Variants in MOCOS observed in about 807,000 individuals in gnomAD.
The protein encoded by MOCOS is human molybdenum cofactor sulfurase.
Under a neutral mutation model 83.6 loss-of-function variants are expected in MOCOS, and 86 were observed. The ratio of observed to expected loss-of-function variants is 1.03; its 90% CI spans 0.86 to 1.23. The LOEUF is 1.23. MOCOS is among the 50% of genes most tolerant of loss of function. The pLI, the probability that MOCOS is intolerant of heterozygous loss-of-function variation, is 0.00. For missense variants in MOCOS, 1,120 were observed against 1,126.9 expected (o/e 0.99, Z 0.09); for synonymous variants, 445 against 434.7 (o/e 1.02, Z -0.29).
At chr18:36,230,679 T>C (rs989847616) in intron 9 of MOCOS, among the ~76,000 whole-genome samples, 7 of 152,014 alleles carry the variant, frequency 4.6e-5, no homozygotes, top group Non-Finnish European at 7.4e-5. Context: ...CTTGGAAAGG[T>C]TGGGGTGCTA....
chr18:36,254,430 T>G lies in MOCOS; in HGVS notation c.2165-2538T>G, dbSNP rs138852198. On this transcript the variant is annotated intron_variant, in intron 11 of 14. Transcript: ENST00000261326. ...TTAAACCACAACAATTTGAATCTCGTGAGTATTCATTACAAAATACATTAT... is the reference window on the plus strand; with the variant it reads ...TTAAACCACAACAATTTGAATCTCGGGAGTATTCATTACAAAATACATTAT... 5.3e-4 allele frequency among the ~76,000 whole-genome samples: 80 copies of G among 151,388 alleles called. No individual in the cohort carries two copies. The East Asian group carries it at 9.2e-3, about 17-fold the overall frequency.
At chr18:36,240,446 CG>C (rs1568063030) in intron 9 of MOCOS, among the ~76,000 whole-genome samples, 1 of 150,152 alleles carries the variant, frequency 6.7e-6, no homozygotes, top group African/African-American at 2.5e-5. Flanking sequence ...TTAGGCTGCT[CG>C]GGGGTCAGGG....
intron 9 of MOCOS, among the ~76,000 whole-genome samples, chr18:36,230,210 G>A (rs2091532845): frequency 6.6e-6 from 1 of 152,114 alleles, no homozygotes; most frequent in South Asian, 2.1e-4. Context: ...AGCCTCCCGA[G>A]TAGCTGGGTT....
chr18:36,248,313 G>A (rs746819846), intron 9 of MOCOS, among the ~76,000 whole-genome samples: 4 of 151,834 alleles, frequency 2.6e-5, no homozygotes, highest in Non-Finnish European at 4.4e-5. Context: ...TTTTTTCACT[G>A]TTGAGTTGTT....
intron 9 of MOCOS, among the ~76,000 whole-genome samples, chr18:36,231,250 T>C (rs2091536595): frequency 6.6e-6 from 1 of 152,224 alleles, no homozygotes; most frequent in Non-Finnish European, 1.5e-5. Context: ...CTGAGCTATA[T>C]ATTTGGTATC....
chr18:36,255,688 G>A lies in MOCOS; in HGVS notation c.2165-1280G>A, dbSNP rs190941765. Among the ~76,000 whole-genome samples the A allele has an allele frequency of 1.5e-3, 231 of 152,184 alleles. 2 individuals are homozygous for A. In the Middle Eastern group the frequency reaches 0.017, roughly 11 times the overall value. On this transcript the variant is annotated intron_variant, in intron 11 of 14. Transcript: ENST00000261326. ...AGTTCTCTCAAAAGTATCCGTTTGCGTCTACTCTGGGGTCCACACACCTGA... is the reference window on the plus strand; with the variant it reads ...AGTTCTCTCAAAAGTATCCGTTTGCATCTACTCTGGGGTCCACACACCTGA...
At chr18:36,202,622 G>A (rs914029093) in intron 4 of MOCOS, among the ~76,000 whole-genome samples, 2 of 152,196 alleles carry the variant, frequency 1.3e-5, no homozygotes, top group African/African-American at 4.8e-5. Context: ...AGACAGCAGA[G>A]GGAAGGTATT....
intron 10 of MOCOS, among the ~76,000 whole-genome samples, chr18:36,250,202 T>C (rs914922653): frequency 6.6e-6 from 1 of 152,094 alleles, no homozygotes; most frequent in African/African-American, 2.4e-5. Context: ...TTATGTATAA[T>C]AAAAAACCTT....
At chr18:36,246,545 C>T (rs939721299) in intron 9 of MOCOS, among the ~76,000 whole-genome samples, 1 of 152,230 alleles carries the variant, frequency 6.6e-6, no homozygotes, top group African/African-American at 2.4e-5. Context: ...GTAAAGTGGA[C>T]TCTGTTGGGA....
intron 12 of MOCOS, among the ~76,000 whole-genome samples, chr18:36,258,682 AATTG>A (rs141806987): frequency 0.013 from 1,964 of 152,302 alleles, 32 homozygotes; most frequent in African/African-American, 0.044. Context: ...AGCAATTAAA[AATTG>A]ATTGAAGCAC....
intron 13 of MOCOS, among the ~76,000 whole-genome samples, chr18:36,262,418 TGTCA>T (rs1416170639): frequency 2.0e-5 from 3 of 152,148 alleles, no homozygotes; most frequent in Non-Finnish European, 4.4e-5. Flanking sequence ...AGCAAGATCC[TGTCA>T]GTCAATCAGT....
At position 36,187,626 on chromosome 18, in the gene MOCOS, C is replaced by G; in HGVS notation, c.87C>G (p.Gly29=). The G allele has an allele frequency of 8.0e-7, 1 of 1,251,602 alleles. No homozygotes were observed. Among genetic ancestry groups the G allele is most frequent in the Middle Eastern group, 2.4e-4 (1 of 4,086 alleles). 77.5% of individuals were successfully genotyped at this position (1,251,602 alleles called of 1,614,324 possible). ...RDPSAPRLAY[G]YGPGSLRELR... ...CGAGCGCACCGCGGCTAGCCTACGG[C>G]TACGGCCCGGGCAGCCTGCGCGAGC... is the stretch of plus-strand genomic sequence containing the variant. The change falls in exon 1 of 15, where the codon GGC becomes GGG. Residue 29 remains glycine, a synonymous_variant. Coordinates refer to ENST00000261326, the MANE Select transcript of MOCOS (RefSeq NM_017947.4).
At chr18:36,248,711 A>G (rs1816088911) in intron 9 of MOCOS, among the ~76,000 whole-genome samples, 1 of 152,034 alleles carries the variant, frequency 6.6e-6, no homozygotes, top group Non-Finnish European at 1.5e-5. Context: ...TCTTGCTCCA[A>G]TGTTTGTTCT....
At chr18:36,257,649 CGTT>C (rs1389674425) in intron 12 of MOCOS, among the ~76,000 whole-genome samples, 2 of 152,144 alleles carry the variant, frequency 1.3e-5, no homozygotes, top group South Asian at 2.1e-4. Flanking sequence ...CCAACCCTCT[CGTT>C]GTTCTTTAGA....
chr18:36,261,407 TCAAG>T (rs950973550), intron 13 of MOCOS, among the ~76,000 whole-genome samples: 4 of 152,090 alleles, frequency 2.6e-5, no homozygotes, highest in Non-Finnish European at 5.9e-5. Context: ...GCTTCTGGTG[TCAAG>T]CATATTGGAT....
intron 1 of MOCOS, among the ~76,000 whole-genome samples, chr18:36,194,222 T>G (rs891020272): frequency 8.5e-5 from 13 of 152,052 alleles, no homozygotes; most frequent in Admixed American, 2.0e-4. Flanking sequence ...TTTATGTAAT[T>G]TTATGAATAT....
At chr18:36,249,986 T>G (rs2091615977) in intron 10 of MOCOS, among the ~76,000 whole-genome samples, 1 of 152,176 alleles carries the variant, frequency 6.6e-6, no homozygotes, top group African/African-American at 2.4e-5. Context: ...ATTTTGTTTA[T>G]TGATTGTACA....
intron 4 of MOCOS, among the ~76,000 whole-genome samples, chr18:36,201,186 C>T (rs887933728): frequency 1.3e-5 from 2 of 152,136 alleles, no homozygotes; most frequent in African/African-American, 4.8e-5. Flanking sequence ...GCTTTAGATC[C>T]CCAACAGACC....
In MOCOS at chr18:36,269,101, C is replaced by CTA. The variant is rs770769614; in HGVS notation, c.*418_*419dup. On this transcript the variant is annotated 3_prime_UTR_variant, in exon 15 of 15. Coordinates refer to ENST00000261326, the MANE Select transcript of MOCOS (RefSeq NM_017947.4). ...ACCCGTTTGTAGTGAGGAAGGGAGT[C>CTA]TATGCCCAGTGATCCTGGGTATGAG... 7.8e-5 allele frequency: 17 copies of CTA among 216,718 alleles called. No individual in the cohort carries two copies. The highest frequency in any genetic ancestry group is 2.8e-4 in the South Asian group (4 of 14,354). 13.4% of individuals were successfully genotyped at this position (216,718 alleles called of 1,614,324 possible). A position where few individuals can be genotyped will look rare whatever the true frequency, so the allele number is the denominator to read the frequency against.
Sources: gnomAD v4.1 joint callset for allele counts (sites outside exome capture counted in the v4.1 genomes callset) on GRCh38, gnomAD v4.1.1 for gene constraint, MANE v1.5 for transcripts, NCBI Gene and HGNC (gene_info 2026-07-23, HGNC 2026-07-21) for gene names.